The following HAL variants were observed in gnomAD, a reference collection of about 807,000 sequenced individuals.
HAL encodes the protein histidine ammonia-lyase, also known as histidase.
HAL carries 85 observed loss-of-function variants against 81.1 expected under a neutral mutation model. The ratio of observed to expected loss-of-function variants is 1.05; its 90% confidence interval spans 0.88 to 1.25. The LOEUF is 1.25. HAL is among the 50% of genes most tolerant of loss of function. The pLI is 0.00. For synonymous variants in HAL, 301 were observed against 309.2 expected, an observed-to-expected ratio of 0.97 and a Z score of 0.28; for missense variants, 798 against 836.6, an observed-to-expected ratio of 0.95 and a Z score of 0.57.
chr12:95,987,013 GC>G, intron 12 of HAL, 53 bp downstream of exon 12: 2 of 1,499,202 alleles, frequency 1.3e-6, no homozygotes, highest in Non-Finnish European at 1.9e-6. Context: ...CAGCCACCCC[GC>G]CCCACCACCT....
Position 95,974,149 on chromosome 12 carries a change from A to G in HAL, c.*83T>C. 1 of 1,207,822 alleles carries G rather than the reference A, an allele frequency of 8.3e-7. No individual in the cohort carries two copies. The highest frequency in any genetic ancestry group is 1.7e-5 in the Admixed American group (1 of 59,544). The allele number at this position is 1,207,822 out of a possible 1,614,324, so 74.8% of individuals were successfully genotyped here. ...TACAATGGATTGATCTACCTAGGAA[A>G]GTTCTCAGGTCTCTCCTTCAGCCTA... On this transcript the variant is annotated 3_prime_UTR_variant, in exon 21 of 21. Coordinates refer to ENST00000261208, the MANE Select transcript of HAL (RefSeq NM_002108.4).
chr12:95,995,575 T>A, intron 2 of HAL, 89 bp downstream of exon 2: 1 of 1,564,500 alleles, frequency 6.4e-7, no homozygotes, highest in Non-Finnish European at 8.7e-7. Flanking sequence ...CCTCTGCTCA[T>A]CATTTTCCCT....
intron 17 of HAL, among the ~76,000 whole-genome samples, chr12:95,979,044 G>C (rs187105848): frequency 2.6e-4 from 40 of 152,224 alleles, no homozygotes; most frequent in Non-Finnish European, 4.9e-4. Context: ...AGTAAACTGT[G>C]GTAAGGCTTG....
At chr12:95,990,119 G>T (rs1028359811) in intron 10 of HAL, among the ~76,000 whole-genome samples, 17 of 152,216 alleles carry the variant, frequency 1.1e-4, no homozygotes, top group African/African-American at 3.9e-4. Flanking sequence ...TGGAAATGTT[G>T]TAGGTGCAGG....
At chr12:95,992,938 G>A in intron 8 of HAL, 133 bp from the exon 9 acceptor site, 2 of 805,602 alleles carry the variant, frequency 2.5e-6, no homozygotes, top group East Asian at 2.6e-5. Flanking sequence ...GGCTCAGGTA[G>A]TTGGACTACT....
chr12:95,992,693 T>C lies in HAL; in HGVS notation c.702A>G (p.Ile234Met), dbSNP rs1444271214. The change falls in exon 9 of 21, where the codon ATA becomes ATG. Residue 234 changes from isoleucine (I) to methionine (M), a missense_variant. Physicochemically the swap from Ile to Met is conservative, Grantham distance 10 (BLOSUM62 1). Transcript: ENST00000261208. The stretch of plus-strand genomic sequence containing the variant: ...CCATTGCATTACCATTAAACATTTC[T>C]ATGACTTGTTTGAGGGTCTCCAGGG... ...GISLETLKQV[I>M]EMFNASCLPY... 1 of 1,612,376 alleles carries C rather than the reference T, an allele frequency of 6.2e-7. No individual in the cohort carries two copies.
chr12:95,991,581 C>T (rs10859997), intron 9 of HAL, among the ~76,000 whole-genome samples: 22,651 of 152,156 alleles, frequency 0.15, 1,819 homozygotes, highest in African/African-American at 0.22. Flanking sequence ...AAAAAAGAGG[C>T]TTCATTTTTC....
chr12:95,994,934 G>A lies in HAL; in HGVS notation c.307C>T (p.Leu103=). The A allele has an allele frequency of 1.2e-6, 2 of 1,612,360 alleles. No homozygotes were observed. The highest frequency in any genetic ancestry group is 8.5e-7 in the Non-Finnish European group (1 of 1,178,414). ...CAAAGAGCCTGTGGGAAAGGATACA[G>A]ATAAACTCCTTCTGGTTGAGATGGA... is the stretch of plus-strand genomic sequence containing the variant. The part of the protein sequence containing the change: ...FIPSQPEGVY[L]YSKYREPEKY... Residue 103 remains leucine (L), a splice_region_variant and synonymous_variant, in exon 3 of 21, where the codon CTA becomes TTA. Transcript: ENST00000261208.
Position 95,986,078 on chromosome 12 carries a change from TG to T in HAL, c.1133del (p.Pro378HisfsTer4). 1 of 1,610,980 alleles carries T rather than the reference TG, an allele frequency of 6.2e-7. No individual in the cohort carries two copies. Among genetic ancestry groups the T allele is most frequent in the East Asian group, 2.2e-5 (1 of 44,876 alleles). Reference sequence around the variant, plus strand: ...ACATGGTCAGACCTGCTATTTCTGATGGGTGGTGATCTGAGTCCAAGAGTGA... The same window carrying T: ...ACATGGTCAGACCTGCTATTTCTGATGGTGGTGATCTGAGTCCAAGAGTGA... ...FRSLLDSDHHPSEIAESHRFC... is the reference protein window; with the variant it reads ...FRSLLDSDHHXSEIAESHRFC... On this transcript the variant is annotated frameshift_variant, in exon 13 of 21. Transcript: ENST00000261208. LOFTEE classifies it high-confidence loss of function.
chr12:95,992,326 AC>A (rs1213874425), intron 9 of HAL, among the ~76,000 whole-genome samples: 1 of 152,240 alleles, frequency 6.6e-6, no homozygotes, highest in Admixed American at 6.5e-5. Context: ...TTTGGGATGG[AC>A]ATTGATATCA....
chr12:95,990,740 T>G (rs1949959352), intron 9 of HAL, among the ~76,000 whole-genome samples: 6 of 149,296 alleles, frequency 4.0e-5, no homozygotes, highest in African/African-American at 7.4e-5. Context: ...AAAAGAGGAG[T>G]GGGGGTGGAG....
At chr12:95,985,378 G>A (rs950666964) in intron 14 of HAL, among the ~76,000 whole-genome samples, 3 of 152,154 alleles carry the variant, frequency 2.0e-5, no homozygotes, top group Non-Finnish European at 4.4e-5. Context: ...TGGATCATTT[G>A]AGGTCAGGGG....
At chr12:95,977,329 G>T (rs950302774) in intron 18 of HAL, among the ~76,000 whole-genome samples, 2 of 151,796 alleles carry the variant, frequency 1.3e-5, no homozygotes, top group East Asian at 3.9e-4. Flanking sequence ...TCAAGGTGGG[G>T]TGTGAGAGTT....
chr12:95,994,142 C>CGTCT lies in HAL; in HGVS notation c.358_359insAGAC (p.Arg120GlnfsTer25). ...GTTGACCAGATCCTCCGTGGTCAGA[C>CGTCT]GGTCTCCATCTAACTCGATGTACTA... On this transcript the variant is annotated frameshift_variant, in exon 5 of 21. Coordinates refer to ENST00000261208, the MANE Select transcript of HAL (RefSeq NM_002108.4). LOFTEE classifies it high-confidence loss of function. 1 of 1,612,696 alleles carries CGTCT rather than the reference C, an allele frequency of 6.2e-7. No individual in the cohort carries two copies.
At chr12:95,981,380 A>G (rs79897406) in intron 15 of HAL, among the ~76,000 whole-genome samples, 2,871 of 152,344 alleles carry the variant, frequency 0.019, 86 homozygotes, top group African/African-American at 0.065. Flanking sequence ...TCAGCGTTCA[A>G]CAGCAGATGG....
Position 95,992,819 on chromosome 12 carries a change from T to C in HAL, c.590-14A>G. 6.2e-7 allele frequency: 1 copy of C among 1,611,474 alleles called. No homozygotes were observed. Among genetic ancestry groups the C allele is most frequent in the Non-Finnish European group, 8.5e-7 (1 of 1,177,842 alleles). On this transcript the variant is annotated splice_polypyrimidine_tract_variant and intron_variant, in intron 8 of 20. Transcript: ENST00000261208. Reference sequence around the variant, plus strand: ...GTTTCCCAACACCTGCAAAACAGAATTGATGTTTTCTCCAAGAAAAGCAAA... The same window carrying C: ...GTTTCCCAACACCTGCAAAACAGAACTGATGTTTTCTCCAAGAAAAGCAAA...
intron 6 of HAL, 31 bp from the exon 7 acceptor site, chr12:95,993,869 A>G: frequency 6.1e-6 from 9 of 1,479,690 alleles, no homozygotes; most frequent in Non-Finnish European, 8.5e-6. Context: ...ATGCAATTAA[A>G]TGCAGGGATT....
intron 12 of HAL, among the ~76,000 whole-genome samples, chr12:95,986,557 C>A (rs1342114950): frequency 1.3e-5 from 2 of 152,178 alleles, no homozygotes; most frequent in Admixed American, 6.5e-5. Context: ...ACTGGGCCTA[C>A]CTTAAAGGAA....
rs2080777872 is a variant in HAL at position 95,980,546 on chromosome 12, G to A, written c.1519+10C>T. 2 of 1,611,844 alleles carry A rather than the reference G, an allele frequency of 1.2e-6. No homozygotes were observed. The highest frequency in any genetic ancestry group is 1.7e-5 in the Admixed American group (1 of 60,000). ...GGGCGTGTGTTCTGGGAAAGGGGCA[G>A]TGTCCTTACCAAGGGCTGCTGCCGT... On this transcript the variant is annotated intron_variant, in intron 17 of 20. Transcript: ENST00000261208.
Sources: allele counts gnomAD v4.1 joint callset (sites outside exome capture counted in the v4.1 genomes callset), GRCh38; gene constraint gnomAD v4.1.1; transcripts MANE v1.5; gene names NCBI Gene and HGNC (gene_info 2026-07-23, HGNC 2026-07-21).